The following DLGAP1 variants were observed in gnomAD, a reference collection of about 807,000 sequenced individuals.
DLGAP1 encodes the protein DLG associated protein 1.
DLGAP1 carries 11 observed loss-of-function variants against 90.8 expected under a neutral mutation model. The ratio of observed to expected loss-of-function variants is 0.12; its 90% CI spans 0.08 to 0.20. The LOEUF is 0.20. Ranked by LOEUF, DLGAP1 falls within the 10% of genes least tolerant of loss-of-function variation. DLGAP1 has a pLI of 1.00. For synonymous variants in DLGAP1, 558 were observed against 540.7 expected (o/e 1.03, Z -0.44); for missense variants, 1,050 against 1,333.8 (o/e 0.79, Z 3.31).
At chr18:4,167,293 GATTT>G (rs1365643076) in intron 1 of DLGAP1, among the ~76,000 whole-genome samples, 5 of 152,014 alleles carry the variant, frequency 3.3e-5, no homozygotes, top group African/African-American at 1.2e-4. Context: ...GTTTGGAGGA[GATTT>G]ATTTCAAATT....
At chr18:3,860,024 G>C (rs1194713503) in intron 4 of DLGAP1, among the ~76,000 whole-genome samples, 2 of 151,708 alleles carry the variant, frequency 1.3e-5, no homozygotes, top group African/African-American at 4.8e-5. Flanking sequence ...GCGTGAACCT[G>C]GGAGGTGGAG....
At chr18:3,588,767 G>A (rs547769613) in intron 7 of DLGAP1, among the ~76,000 whole-genome samples, 6 of 133,724 alleles carry the variant, frequency 4.5e-5, no homozygotes, top group African/African-American at 1.7e-4. Flanking sequence ...GCGACAGAGC[G>A]AGACTCCATC....
At chr18:3,532,289 T>C (rs548977024) in intron 10 of DLGAP1, among the ~76,000 whole-genome samples, 1 of 152,156 alleles carries the variant, frequency 6.6e-6, no homozygotes, top group Admixed American at 6.5e-5. Flanking sequence ...TTTAAAAATG[T>C]TCATAATAGG....
intron 4 of DLGAP1, among the ~76,000 whole-genome samples, chr18:3,839,984 G>C (rs1464593518): frequency 6.6e-6 from 1 of 152,126 alleles, no homozygotes; most frequent in Admixed American, 6.5e-5. Flanking sequence ...TTCTCTTTAT[G>C]TCTAAAGCCC....
intron 1 of DLGAP1, among the ~76,000 whole-genome samples, chr18:4,235,719 C>CTTTTTTTTTTTTTTTTTTTTTTTTTT (rs1175101805): frequency 1.2e-5 from 1 of 80,270 alleles, no homozygotes. Flanking sequence ...ATTTCAATGT[C>CTTTTTTTTTTTTTTTTTTTTTTTTTT]TTTTTTTTTT....
Position 4,397,396 on chromosome 18 carries a change from T to C in DLGAP1, c.-267+57610A>G, listed in dbSNP as rs117333781. The stretch of plus-strand genomic sequence containing the variant: ...AATTAGTATAGTCTAGGTAATAACA[T>C]CTTAAACATCTGATTTATTACTTCT... On this transcript the variant is annotated intron_variant, in intron 1 of 12. Transcript: ENST00000315677. Among the ~76,000 whole-genome samples the C allele has an allele frequency of 6.6e-3, 1,011 of 152,310 alleles. 4 individuals carry two copies. Among genetic ancestry groups the C allele is most frequent in the Middle Eastern group, 0.031 (9 of 294 alleles).
chr18:4,169,544 T>A (rs2076989322), intron 1 of DLGAP1, among the ~76,000 whole-genome samples: 1 of 152,212 alleles, frequency 6.6e-6, no homozygotes, highest in Non-Finnish European at 1.5e-5. Flanking sequence ...ACATACTTTT[T>A]GTTAGAAATC....
Position 3,499,312 on chromosome 18 carries a change from G to C in DLGAP1, c.2807C>G (p.Ser936Trp). 6.4e-7 allele frequency: 1 copy of C among 1,574,742 alleles called. No individual in the cohort carries two copies. Among genetic ancestry groups the C allele is most frequent in the Non-Finnish European group, 8.6e-7 (1 of 1,161,284 alleles). Reference sequence around the variant, plus strand: ...GCGCTTGCGGGCCTCCTGGCGCTGCGAGCTCTCCAGCGAGCGCTCCCGGAT... The same window carrying C: ...GCGCTTGCGGGCCTCCTGGCGCTGCCAGCTCTCCAGCGAGCGCTCCCGGAT... ...PLIRERSLESSQRQEARKRLM... is the reference protein window; with the variant it reads ...PLIRERSLESWQRQEARKRLM... Residue 936 changes from serine to tryptophan, a missense_variant, in exon 13 of 13, where the codon TCG becomes TGG. Coordinates refer to ENST00000315677, the MANE Select transcript of DLGAP1 (RefSeq NM_004746.4). The surrounding 1 kb of genome is among the most constrained non-coding windows in gnomAD (Gnocchi z 6.4).
At chr18:4,027,570 A>T (rs2149124120) in intron 2 of DLGAP1, among the ~76,000 whole-genome samples, 1 of 149,974 alleles carries the variant, frequency 6.7e-6, no homozygotes, top group African/African-American at 2.4e-5. Flanking sequence ...ATTAAATGAG[A>T]CGGCACACTT....
At chr18:4,023,304 A>G (rs1022474636) in intron 2 of DLGAP1, among the ~76,000 whole-genome samples, 1 of 152,092 alleles carries the variant, frequency 6.6e-6, no homozygotes, top group African/African-American at 2.4e-5. Flanking sequence ...AAAATGTACC[A>G]TATGGACAGT....
intron 1 of DLGAP1, among the ~76,000 whole-genome samples, chr18:4,382,963 G>C (rs922487044): frequency 4.8e-4 from 73 of 152,272 alleles, no homozygotes; most frequent in African/African-American, 1.7e-3. Flanking sequence ...GGAAACCAAA[G>C]AATGTATATA....
At chr18:4,259,255 A>C (rs1313052832) in intron 1 of DLGAP1, among the ~76,000 whole-genome samples, 3 of 152,198 alleles carry the variant, frequency 2.0e-5, no homozygotes, top group African/African-American at 7.2e-5. Flanking sequence ...GAATCTGAGA[A>C]AGCCCCGGTG....
At chr18:3,947,038 C>T (rs915981876) in intron 3 of DLGAP1, among the ~76,000 whole-genome samples, 1 of 152,102 alleles carries the variant, frequency 6.6e-6, no homozygotes, top group Non-Finnish European at 1.5e-5. Flanking sequence ...GTAATGAAGG[C>T]AGCTAGAGAG....
intron 1 of DLGAP1, among the ~76,000 whole-genome samples, chr18:4,195,982 G>A (rs1213751485): frequency 6.6e-6 from 1 of 152,194 alleles, no homozygotes; most frequent in Non-Finnish European, 1.5e-5. Flanking sequence ...CTTTGTTATT[G>A]TAATCATCAG....
chr18:3,708,286 C>T (rs146150097), intron 7 of DLGAP1: 119 of 383,188 alleles, frequency 3.1e-4, no homozygotes, highest in African/African-American at 2.3e-3. Flanking sequence ...GAATTACAGG[C>T]ATGAGCCACT....
At chr18:4,122,015 G>A (rs2076160659) in intron 2 of DLGAP1, among the ~76,000 whole-genome samples, 1 of 152,154 alleles carries the variant, frequency 6.6e-6, no homozygotes, top group Non-Finnish European at 1.5e-5. Context: ...AAGGTTGTCT[G>A]ACTCCAGCAT....
At chr18:4,161,261 G>C (rs1238978326) in intron 1 of DLGAP1, among the ~76,000 whole-genome samples, 1 of 151,994 alleles carries the variant, frequency 6.6e-6, no homozygotes, top group Non-Finnish European at 1.5e-5. Flanking sequence ...ACAGACACCA[G>C]TGTGTGTTGT....
intron 7 of DLGAP1, among the ~76,000 whole-genome samples, chr18:3,716,569 A>T (rs1000783710): frequency 2.0e-5 from 3 of 152,162 alleles, no homozygotes; most frequent in Admixed American, 1.3e-4. Context: ...AAAGCGAAAC[A>T]TGCACACCTC....
At chr18:3,601,966 G>C (rs374616852) in intron 7 of DLGAP1, among the ~76,000 whole-genome samples, 11 of 152,122 alleles carry the variant, frequency 7.2e-5, no homozygotes, top group Admixed American at 2.6e-4. Context: ...TGGAGATCGG[G>C]CCACTGCACT....
Sources: allele counts gnomAD v4.1 joint callset (sites outside exome capture counted in the v4.1 genomes callset), GRCh38; gene constraint gnomAD v4.1.1; non-coding constraint Gnocchi (gnomAD v3.1); transcripts MANE v1.5; gene names NCBI Gene and HGNC (gene_info 2026-07-23, HGNC 2026-07-21).